The following FNDC3A variants were observed in gnomAD, a reference collection of about 807,000 sequenced individuals.
FNDC3A encodes the protein fibronectin type III domain containing 3A.
A neutral mutation model predicts 148.9 loss-of-function variants in FNDC3A; 32 were observed. The observed-to-expected ratio is 0.21, with a 90% CI of 0.16 to 0.29. The LOEUF is 0.29. FNDC3A is among the 10% of genes least tolerant of loss of function. The pLI is 1.00. For synonymous variants in FNDC3A, 472 were observed against 473.6 expected (o/e 1.00, Z 0.04); for missense variants, 1,191 against 1,452.8 (o/e 0.82, Z 2.93).
intron 19 of FNDC3A, among the ~76,000 whole-genome samples, chr13:49,194,483 G>A (rs967691648): frequency 6.6e-6 from 1 of 152,166 alleles, no homozygotes; most frequent in African/African-American, 2.4e-5. Flanking sequence ...ATTTTTGGGT[G>A]GTATTCATGT....
At chr13:49,133,715 C>T (rs944023143) in intron 5 of FNDC3A, among the ~76,000 whole-genome samples, 2 of 152,180 alleles carry the variant, frequency 1.3e-5, no homozygotes, top group African/African-American at 4.8e-5. Flanking sequence ...TATTATCTCA[C>T]TTAATTTTCA....
intron 1 of FNDC3A, among the ~76,000 whole-genome samples, chr13:49,001,984 G>A (rs555826065): frequency 4.6e-5 from 7 of 152,168 alleles, no homozygotes; most frequent in African/African-American, 1.4e-4. Context: ...CTGGTTTTGC[G>A]GCTTGGGGGC....
At chr13:49,045,130 C>G (rs1593511961) in intron 2 of FNDC3A, 1 of 187,746 alleles carries the variant, frequency 5.3e-6, no homozygotes, top group African/African-American at 2.4e-5. Context: ...TTTCCCTTTC[C>G]CTTTCCCTTT....
chr13:49,143,732 C>G (rs1360892253), intron 7 of FNDC3A, among the ~76,000 whole-genome samples: 1 of 152,062 alleles, frequency 6.6e-6, no homozygotes, highest in Non-Finnish European at 1.5e-5. Flanking sequence ...GGCCTAGAAC[C>G]CTAAGAGGGT....
intron 3 of FNDC3A, among the ~76,000 whole-genome samples, chr13:49,081,118 C>G (rs1878440423): frequency 6.6e-6 from 1 of 152,116 alleles, no homozygotes; most frequent in Non-Finnish European, 1.5e-5. Flanking sequence ...GCTAAAAACC[C>G]TCCTTATGAG....
intron 4 of FNDC3A, among the ~76,000 whole-genome samples, chr13:49,128,265 C>A (rs142881929): frequency 1.3e-5 from 2 of 152,266 alleles, no homozygotes; most frequent in East Asian, 3.9e-4. Flanking sequence ...TCATCTCTTG[C>A]CTAGATTACT....
At chr13:49,018,929 G>A (rs531720054) in intron 2 of FNDC3A, among the ~76,000 whole-genome samples, 3 of 152,344 alleles carry the variant, frequency 2.0e-5, no homozygotes, top group Admixed American at 6.5e-5. Flanking sequence ...TCAGGGGTCA[G>A]GGACCCACTT....
At chr13:49,167,768 CA>C (rs201570138) in intron 9 of FNDC3A, among the ~76,000 whole-genome samples, 5,750 of 140,754 alleles carry the variant, frequency 0.041, 155 homozygotes, top group South Asian at 0.14. Flanking sequence ...AAAATTTTTC[CA>C]AAAAAAAAAC....
chr13:49,108,788 A>T (rs1297805394), intron 3 of FNDC3A, among the ~76,000 whole-genome samples: 1 of 152,186 alleles, frequency 6.6e-6, no homozygotes, highest in East Asian at 1.9e-4. Context: ...TGTTGAGACC[A>T]GGAGACTCCT....
chr13:49,199,274 G>A (rs990738766), intron 23 of FNDC3A, among the ~76,000 whole-genome samples: 2 of 151,630 alleles, frequency 1.3e-5, no homozygotes, highest in Admixed American at 1.3e-4. Flanking sequence ...TCCCCGCTCA[G>A]CCTCACTGAG....
At chr13:49,111,725 CAAA>C (rs1231985235) in intron 3 of FNDC3A, among the ~76,000 whole-genome samples, 1 of 83,062 alleles carries the variant, frequency 1.2e-5, no homozygotes, top group Non-Finnish European at 2.6e-5. Flanking sequence ...AACTCCGTCT[CAAA>C]AAAAAAAAAA....
At chr13:48,986,688 G>A (rs529222110) in intron 1 of FNDC3A, among the ~76,000 whole-genome samples, 115 of 152,024 alleles carry the variant, frequency 7.6e-4, no homozygotes, top group Admixed American at 3.5e-3. Context: ...GAGCCACTGC[G>A]CCTGGCCCGG....
Position 49,177,261 on chromosome 13 carries a change from C to T in FNDC3A, c.1531-1307C>T, listed in dbSNP as rs140108843. ...GATCACCACAGCCTTCTTGACTAAG[C>T]AGCTCTAAAAGATGAGGAAATATTG... On this transcript the variant is annotated intron_variant, in intron 13 of 25. Coordinates refer to ENST00000492622, the MANE Select transcript of FNDC3A (RefSeq NM_001079673.2). Among the ~76,000 whole-genome samples the T allele has an allele frequency of 8.1e-3, 1,227 of 152,280 alleles. 11 individuals carry two copies. Among genetic ancestry groups the T allele is most frequent in the Non-Finnish European group, 0.011 (737 of 68,018 alleles).
intron 3 of FNDC3A, among the ~76,000 whole-genome samples, chr13:49,107,359 A>G (rs906452756): frequency 2.6e-5 from 4 of 152,156 alleles, no homozygotes; most frequent in African/African-American, 7.2e-5. Flanking sequence ...GATGGGGCAG[A>G]AAAAAAGTGT....
At chr13:49,167,573 G>A (rs1290363958) in intron 9 of FNDC3A, among the ~76,000 whole-genome samples, 2 of 151,982 alleles carry the variant, frequency 1.3e-5, no homozygotes, top group Admixed American at 1.3e-4. Flanking sequence ...AAGCATGGTG[G>A]TGCAGGCCTG....
intron 8 of FNDC3A, among the ~76,000 whole-genome samples, chr13:49,161,924 G>T (rs935332384): frequency 1.3e-5 from 2 of 152,172 alleles, no homozygotes; most frequent in African/African-American, 4.8e-5. Flanking sequence ...TAAGAATGTT[G>T]AATATTGGCC....
intron 1 of FNDC3A, among the ~76,000 whole-genome samples, chr13:48,996,249 G>A (rs1952022243): frequency 6.6e-6 from 1 of 152,126 alleles, no homozygotes; most frequent in Non-Finnish European, 1.5e-5. Context: ...AGTTGCTACT[G>A]TAATTCTAAT....
In FNDC3A at chr13:49,019,343, C is replaced by T. The variant is rs1045943716; in HGVS notation, c.99+13054C>T. On this transcript the variant is annotated intron_variant, in intron 2 of 25. Transcript: ENST00000492622. ...AAGCCCGTCGGAAAAGCGCAGTAGGCGGGTGGGAGTGACCCAATTTTCCAG... is the reference window on the plus strand; with the variant it reads ...AAGCCCGTCGGAAAAGCGCAGTAGGTGGGTGGGAGTGACCCAATTTTCCAG... Among the ~76,000 whole-genome samples the T allele has an allele frequency of 1.1e-3, 170 of 152,342 alleles. 2 individuals carry two copies. The highest frequency in any genetic ancestry group is 2.0e-3 in the Non-Finnish European group (133 of 68,026).
At chr13:49,095,466 C>G (rs1043438021) in intron 3 of FNDC3A, 2 of 151,898 alleles carry the variant, frequency 1.3e-5, no homozygotes, top group African/African-American at 2.4e-5. Flanking sequence ...CCTTTCCACT[C>G]CCACTGCTTC....
Sources: allele counts gnomAD v4.1 joint callset (sites outside exome capture counted in the v4.1 genomes callset), GRCh38; gene constraint gnomAD v4.1.1; transcripts MANE v1.5; gene names NCBI Gene and HGNC (gene_info 2026-07-23, HGNC 2026-07-21).